Variants in KDM4C observed in about 807,000 individuals in gnomAD.
KDM4C encodes the protein lysine demethylase 4C.
KDM4C carries 81 observed loss-of-function variants against 129.3 expected under a neutral mutation model. The ratio of observed to expected loss-of-function variants is 0.63; its 90% CI spans 0.52 to 0.75. The LOEUF is 0.75. Ranked by LOEUF, KDM4C falls within the 30% of genes least tolerant of loss-of-function variation. The pLI, the probability that KDM4C is intolerant of heterozygous loss-of-function variation, is 0.00. For synonymous variants in KDM4C, 573 were observed against 456.1 expected (o/e 1.26, Z -3.26); for missense variants, 1,457 against 1,304.0 (o/e 1.12, Z -1.81).
rs369059055 is a variant in KDM4C at position 6,771,800 on chromosome 9, T to C, written c.-18+13597T>C. On this transcript the variant is annotated intron_variant, in intron 1 of 21. Coordinates refer to ENST00000381309, the MANE Select transcript of KDM4C (RefSeq NM_015061.6). Reference sequence around the variant, plus strand: ...AGGGGCAGTACAGTCCAGTATTTGGTGAGGGGCTCGCTGCCCAGGCTGAGT... The same window carrying C: ...AGGGGCAGTACAGTCCAGTATTTGGCGAGGGGCTCGCTGCCCAGGCTGAGT... Among the ~76,000 whole-genome samples, 6 of 152,158 alleles carry C rather than the reference T, an allele frequency of 3.9e-5. No individual in the cohort carries two copies. The East Asian group carries it at 1.2e-3, about 30-fold the overall frequency.
At chr9:6,746,874 CG>C (rs1817894104) in intron 1 of KDM4C, among the ~76,000 whole-genome samples, 1 of 150,480 alleles carries the variant, frequency 6.6e-6, no homozygotes, top group Non-Finnish European at 1.5e-5. Flanking sequence ...GGCGTGGTGG[CG>C]GGCACCTGTA....
chr9:6,926,344 A>AAAAAAAAAC (rs1822542831), intron 8 of KDM4C, among the ~76,000 whole-genome samples: 1 of 150,044 alleles, frequency 6.7e-6, no homozygotes. Context: ...TAATTTGTAA[A>AAAAAAAAAC]AAAAAAAAAA....
chr9:6,755,428 C>T (rs1818210683), upstream of KDM4C, among the ~76,000 whole-genome samples: 1 of 151,578 alleles, frequency 6.6e-6, no homozygotes, highest in East Asian at 1.9e-4. Context: ...GTAATGCCAG[C>T]TGCTCAGGAG....
chr9:6,745,334 C>T (rs925868460), intron 1 of KDM4C, among the ~76,000 whole-genome samples: 1 of 151,888 alleles, frequency 6.6e-6, no homozygotes, highest in Non-Finnish European at 1.5e-5. Flanking sequence ...GATGGTGGCT[C>T]GCACCTATAA....
chr9:7,126,008 C>G (rs1839991424), intron 18 of KDM4C, among the ~76,000 whole-genome samples: 1 of 152,210 alleles, frequency 6.6e-6, no homozygotes, highest in African/African-American at 2.4e-5. Context: ...GGACTATAGC[C>G]TTATCTTGAA....
At chr9:7,126,258 A>G (rs1163242971) in intron 18 of KDM4C, among the ~76,000 whole-genome samples, 1 of 152,184 alleles carries the variant, frequency 6.6e-6, no homozygotes, top group Non-Finnish European at 1.5e-5. Context: ...TCATGCCCAT[A>G]TTCTTAGGTA....
chr9:6,926,968 T>G (rs1822689929), intron 8 of KDM4C, among the ~76,000 whole-genome samples: 1 of 152,212 alleles, frequency 6.6e-6, no homozygotes, highest in African/African-American at 2.4e-5. Flanking sequence ...TATTATTTAT[T>G]AGATGGAGGG....
chr9:7,130,649 G>A (rs113287570), intron 19 of KDM4C, among the ~76,000 whole-genome samples: 6 of 152,344 alleles, frequency 3.9e-5, no homozygotes, highest in East Asian at 1.9e-4. Context: ...ATATGCCCAT[G>A]TGGCCACAAC....
intron 4 of KDM4C, among the ~76,000 whole-genome samples, chr9:6,817,275 C>T (rs1832288490): frequency 7.0e-6 from 1 of 143,412 alleles, no homozygotes; most frequent in South Asian, 2.3e-4. Flanking sequence ...GATCACGGCT[C>T]ACTGCAGCCT....
At chr9:7,011,398 A>C (rs2132137304) in intron 12 of KDM4C, among the ~76,000 whole-genome samples, 1 of 152,240 alleles carries the variant, frequency 6.6e-6, no homozygotes, top group South Asian at 2.1e-4. Context: ...CAGTAGAGAC[A>C]CGGAAGAAGT....
intron 8 of KDM4C, among the ~76,000 whole-genome samples, chr9:6,917,641 C>T (rs1443810542): frequency 6.6e-6 from 1 of 152,162 alleles, no homozygotes; most frequent in Non-Finnish European, 1.5e-5. Flanking sequence ...GCCCAGCAGT[C>T]CAGCCATGTT....
chr9:7,000,884 G>A (rs528201964), intron 12 of KDM4C, among the ~76,000 whole-genome samples: 1 of 152,134 alleles, frequency 6.6e-6, no homozygotes, highest in South Asian at 2.1e-4. Context: ...AGCATGGAAA[G>A]TTTATGTATA....
intron 15 of KDM4C, among the ~76,000 whole-genome samples, chr9:7,036,097 T>A (rs1474237313): frequency 1.3e-5 from 2 of 152,172 alleles, no homozygotes; most frequent in African/African-American, 2.4e-5. Context: ...TGTAACAATG[T>A]TAATTCTTCC....
chr9:7,074,268 A>G (rs1486015884), intron 17 of KDM4C, among the ~76,000 whole-genome samples: 1 of 152,100 alleles, frequency 6.6e-6, no homozygotes, highest in African/African-American at 2.4e-5. Flanking sequence ...GGTTCAAACA[A>G]TTCTCCTGCC....
chr9:7,063,391 A>G (rs900144330), intron 17 of KDM4C, among the ~76,000 whole-genome samples: 2 of 152,220 alleles, frequency 1.3e-5, no homozygotes, highest in African/African-American at 4.8e-5. Context: ...TTCATTGCCG[A>G]TGGCTAATGA....
Position 7,046,917 on chromosome 9 carries a change from A to C in KDM4C, c.2315A>C (p.Lys772Thr). 1 of 1,566,358 alleles carries C rather than the reference A, an allele frequency of 6.4e-7. No individual in the cohort carries two copies. The highest frequency in any genetic ancestry group is 8.8e-7 in the Non-Finnish European group (1 of 1,137,360). ...GCTCTTAAGCAAACGAAGAACAATA[A>C]GTAAGTAATACATTAATTGTGTTGA... ...GGALKQTKNNKWAHVMCAVAV... is the reference protein window; with the variant it reads ...GGALKQTKNNTWAHVMCAVAV... Residue 772 changes from lysine (K) to threonine (T), a missense_variant and splice_region_variant, in exon 16 of 22, where the codon AAG (lysine) becomes ACG (threonine). Transcript: ENST00000381309.
At chr9:7,026,165 G>A (rs368105301) in intron 15 of KDM4C, among the ~76,000 whole-genome samples, 293 of 150,868 alleles carry the variant, frequency 1.9e-3, no homozygotes, top group Middle Eastern at 3.4e-3. Context: ...AGATCGCACC[G>A]CTGTACTCCA....
At chr9:6,920,195 G>T (rs1042724612) in intron 8 of KDM4C, among the ~76,000 whole-genome samples, 1 of 152,028 alleles carries the variant, frequency 6.6e-6, no homozygotes, top group Non-Finnish European at 1.5e-5. Flanking sequence ...AAATCATAGG[G>T]GTGTGGAAAG....
intron 19 of KDM4C, among the ~76,000 whole-genome samples, chr9:7,137,102 C>T (rs190274348): frequency 3.3e-5 from 5 of 152,150 alleles, no homozygotes; most frequent in Admixed American, 6.5e-5. Flanking sequence ...CAGGTGAAGT[C>T]GATCATTACC....
Sources: gnomAD v4.1 joint callset for allele counts (sites outside exome capture counted in the v4.1 genomes callset) on GRCh38, gnomAD v4.1.1 for gene constraint, MANE v1.5 for transcripts, NCBI Gene and HGNC (gene_info 2026-07-23, HGNC 2026-07-21) for gene names.